The following C11orf52 variants were observed in gnomAD, a reference collection of about 807,000 sequenced individuals.
C11orf52 encodes chromosome 11 open reading frame 52.
A neutral mutation model predicts 11.7 loss-of-function variants in C11orf52; 9 were observed. The ratio of observed to expected loss-of-function variants is 0.77; its 90% confidence interval spans 0.46 to 1.34. C11orf52 has a LOEUF of 1.34. C11orf52 is among the 40% of genes most tolerant of loss of function. The pLI is 0.00. For synonymous variants in C11orf52, 49 were observed against 57.4 expected, an observed-to-expected ratio of 0.85 and a Z score of 0.66; for missense variants, 139 against 154.8, an observed-to-expected ratio of 0.90 and a Z score of 0.54.
At chr11:111,922,678 C>CCATT (rs782514369) in intron 1 of C11orf52, among the ~76,000 whole-genome samples, 6 of 152,120 alleles carry the variant, frequency 3.9e-5, no homozygotes, top group Non-Finnish European at 8.8e-5. Context: ...ATTGCATATG[C>CCATT]CATTTCTTTA....
intron 1 of C11orf52, among the ~76,000 whole-genome samples, chr11:111,921,380 A>G (rs1037661007): frequency 1.4e-4 from 21 of 152,248 alleles, no homozygotes; most frequent in African/African-American, 5.1e-4. Flanking sequence ...GTCTAAATAC[A>G]TGGCATATCC....
intron 2 of C11orf52, among the ~76,000 whole-genome samples, chr11:111,925,436 A>G (rs587774775): frequency 7.2e-5 from 11 of 152,280 alleles, no homozygotes; most frequent in African/African-American, 2.6e-4. Flanking sequence ...GTGAAAAATG[A>G]GGATGGAAGA....
At chr11:111,920,275 C>T (rs1440428975) in intron 1 of C11orf52, among the ~76,000 whole-genome samples, 2 of 152,042 alleles carry the variant, frequency 1.3e-5, no homozygotes, top group Non-Finnish European at 2.9e-5. Context: ...GTGACTCACA[C>T]CTGTAATCCT....
Position 111,926,246 on chromosome 11 carries a change from G to C in C11orf52, c.*47G>C. ...TCCATCGTTAACCACTACACCTGTG[G>C]GGGAGAACCTACTGCTTTGGGGAAT... On this transcript the variant is annotated 3_prime_UTR_variant, in exon 4 of 4. Transcript: ENST00000278601. 1.2e-6 allele frequency: 2 copies of C among 1,602,308 alleles called. No individual in the cohort carries two copies. Among genetic ancestry groups the C allele is most frequent in the Non-Finnish European group, 1.7e-6 (2 of 1,172,104 alleles).
At chr11:111,924,687 G>C (rs1473249075) in intron 2 of C11orf52, among the ~76,000 whole-genome samples, 1 of 152,240 alleles carries the variant, frequency 6.6e-6, no homozygotes, top group Admixed American at 6.5e-5. Flanking sequence ...CATGATCTCA[G>C]CCCTGGAAGA....
chr11:111,925,653 G>A lies in C11orf52; in HGVS notation c.71G>A (p.Gly24Glu), dbSNP rs1965785197. ...PSTFQKKKKT[G>E]SQTRRTLKPQ... is the part of the protein sequence containing the mutation. ...CTTAAGTTGGATTTCTTCCCCTCAGGAAGCCAAACAAGACGGACACTGAAG... is the reference window on the plus strand; with the variant it reads ...CTTAAGTTGGATTTCTTCCCCTCAGAAAGCCAAACAAGACGGACACTGAAG... Residue 24 changes from glycine to glutamate, a missense_variant and splice_region_variant, in exon 3 of 4, where the codon GGA becomes GAA. Transcript: ENST00000278601. 1 of 1,614,206 alleles carries A rather than the reference G, an allele frequency of 6.2e-7. No individual in the cohort carries two copies. Among genetic ancestry groups the A allele is most frequent in the Non-Finnish European group, 8.5e-7 (1 of 1,180,030 alleles).
In C11orf52 at chr11:111,926,338, G is replaced by GGCTTT. The variant is rs1197559259; in HGVS notation, c.*140_*141insCTTTG. On this transcript the variant is annotated 3_prime_UTR_variant, in exon 4 of 4. Coordinates refer to ENST00000278601, the MANE Select transcript of C11orf52 (RefSeq NM_080659.3). ...AGAACTCCAAAGCCCCTGGAATTGTGGGCGTCCCATTTTCTCCCCTGGCCT... is the reference window on the plus strand; with the variant it reads ...AGAACTCCAAAGCCCCTGGAATTGTGGCTTTGGCGTCCCATTTTCTCCCCTGGCCT... 13 of 1,343,436 alleles carry GGCTTT rather than the reference G, an allele frequency of 9.7e-6. No individual in the cohort carries two copies. The highest frequency in any genetic ancestry group is 1.3e-5 in the Non-Finnish European group (13 of 992,884). 83.2% of individuals were successfully genotyped at this position (1,343,436 alleles called of 1,614,324 possible).
intron 3 of C11orf52, 113 bp downstream of exon 3, chr11:111,925,827 C>T: frequency 6.4e-7 from 1 of 1,563,912 alleles, no homozygotes; most frequent in Non-Finnish European, 8.7e-7. Flanking sequence ...TTTGCTGGCT[C>T]TGTCTGTCCT....
intron 1 of C11orf52, among the ~76,000 whole-genome samples, chr11:111,922,248 A>G (rs1298356515): frequency 6.6e-6 from 1 of 152,250 alleles, no homozygotes. Context: ...TTCTAGAGAC[A>G]CTATACCAAA....
At chr11:111,920,088 G>A (rs1032390944) in intron 1 of C11orf52, among the ~76,000 whole-genome samples, 6 of 152,064 alleles carry the variant, frequency 3.9e-5, no homozygotes, top group East Asian at 1.9e-4. Context: ...CCAGCTACTC[G>A]GGAGGCTGAG....
At chr11:111,920,998 T>A (rs1379008185) in intron 1 of C11orf52, among the ~76,000 whole-genome samples, 1 of 152,164 alleles carries the variant, frequency 6.6e-6, no homozygotes, top group African/African-American at 2.4e-5. Context: ...TAATAAATTA[T>A]CTGTGGGGTT....
At chr11:111,925,764 C>T in intron 3 of C11orf52, 50 bp downstream of exon 3, 6 of 1,604,152 alleles carry the variant, frequency 3.7e-6, no homozygotes, top group Non-Finnish European at 5.1e-6. Context: ...ACATGGGATC[C>T]CAGTAGTCAG....
At chr11:111,919,176 A>T in intron 1 of C11orf52, 172 bp downstream of exon 1, 1 of 748,634 alleles carries the variant, frequency 1.3e-6, no homozygotes, top group Admixed American at 2.7e-5. Flanking sequence ...AGGAGGCCTT[A>T]GAAGACAGAG....
intron 1 of C11orf52, among the ~76,000 whole-genome samples, chr11:111,919,796 C>G (rs782166640): frequency 9.9e-5 from 15 of 152,116 alleles, no homozygotes; most frequent in Non-Finnish European, 2.1e-4. Flanking sequence ...GCAAGTAAAC[C>G]AAGATTCCAA....
chr11:111,919,196 T>C (rs371322187), intron 1 of C11orf52, 192 bp downstream of exon 1: 25 of 656,460 alleles, frequency 3.8e-5, no homozygotes, highest in East Asian at 1.4e-4. Flanking sequence ...GCCAAGTGGC[T>C]GGGCGCGGTG....
intron 3 of C11orf52, 61 bp from the exon 4 acceptor site, chr11:111,925,899 A>G: frequency 1.9e-6 from 3 of 1,606,710 alleles, no homozygotes; most frequent in African/African-American, 1.3e-5. Flanking sequence ...CTGCCCCTGC[A>G]TTGGAGGTGA....
At chr11:111,924,250 C>A in intron 1 of C11orf52, 76 bp from the exon 2 acceptor site, 1 of 1,420,346 alleles carries the variant, frequency 7.0e-7, no homozygotes, top group South Asian at 1.2e-5. Flanking sequence ...TTAAGGAGAC[C>A]ACAGAGCAAA....
At chr11:111,921,906 C>T (rs754567850) in intron 1 of C11orf52, among the ~76,000 whole-genome samples, 2 of 152,016 alleles carry the variant, frequency 1.3e-5, no homozygotes, top group East Asian at 3.9e-4. Context: ...AATCTTGGCT[C>T]GCTGCAACCT....
At chr11:111,920,111 C>T (rs1329263502) in intron 1 of C11orf52, among the ~76,000 whole-genome samples, 7 of 152,084 alleles carry the variant, frequency 4.6e-5, no homozygotes, top group African/African-American at 1.2e-4. Flanking sequence ...AGGAGAATCC[C>T]TTGAACCCAG....
Sources: allele counts gnomAD v4.1 joint callset (sites outside exome capture counted in the v4.1 genomes callset), GRCh38; gene constraint gnomAD v4.1.1; transcripts MANE v1.5; gene names NCBI Gene and HGNC (gene_info 2026-07-23, HGNC 2026-07-21).